Variants in DNAH2 observed in about 807,000 individuals in gnomAD.
The protein encoded by DNAH2 is axonemal beta dynein heavy chain 2.
In DNAH2, 323 loss-of-function variants were observed where a neutral mutation model predicts 523.5. That is an observed-to-expected ratio of 0.62 (90% CI 0.56 to 0.68). The LOEUF (loss-of-function observed/expected upper bound fraction) is 0.68, where lower values mean the gene tolerates loss of function less well. DNAH2 is among the 30% of genes least tolerant of loss of function. DNAH2 has a pLI of 0.00. For synonymous variants in DNAH2, 2,093 were observed against 2,177.4 expected (o/e 0.96, Z 1.08); for missense variants, 4,907 against 5,701.5 (o/e 0.86, Z 4.49).
intron 11 of DNAH2, among the ~76,000 whole-genome samples, chr17:7,741,300 T>TTCTTTCTTTCTC (rs1567625056): frequency 4.5e-5 from 2 of 44,862 alleles, no homozygotes; most frequent in South Asian, 1.4e-3. Flanking sequence ...CTTTCTTCCT[T>TTCTTTCTTTCTC]CCTTCCCTCC....
intron 19 of DNAH2, 36 bp from the exon 20 acceptor site, chr17:7,764,081 C>T (rs775636313): frequency 1.2e-6 from 2 of 1,614,178 alleles, no homozygotes; most frequent in East Asian, 2.2e-5. Context: ...GGCACTGGGC[C>T]TTCCACTCAC....
chr17:7,830,206 G>C, intron 77 of DNAH2, 94 bp from the exon 78 acceptor site: 1 of 1,358,304 alleles, frequency 7.4e-7, no homozygotes, highest in Non-Finnish European at 1.0e-6. Flanking sequence ...GTGCCTTTGT[G>C]CAATGAAGAA....
chr17:7,822,810 A>C (rs1378238229), intron 73 of DNAH2, among the ~76,000 whole-genome samples: 1 of 152,188 alleles, frequency 6.6e-6, no homozygotes, highest in Non-Finnish European at 1.5e-5. Context: ...TGAATGAATG[A>C]GTAAATAGTT....
Position 7,760,868 on chromosome 17 carries a change from T to C in DNAH2, c.2914T>C (p.Ser972Pro), listed in dbSNP as rs1393428513. 18 of 1,614,218 alleles carry C rather than the reference T, an allele frequency of 1.1e-5. No homozygotes were observed. The highest frequency in any genetic ancestry group is 1.5e-5 in the Non-Finnish European group (18 of 1,180,040). The change falls in exon 18 of 86, where the codon TCC becomes CCC. Residue 972 changes from serine to proline, a missense_variant. This residue lies in a region of DNAH2 where 2,806 missense variants were observed against 3,190.8 expected (regional missense o/e 0.88). Transcript: ENST00000572933. The surrounding 1 kb of genome is among the most constrained non-coding windows in gnomAD (Gnocchi z 4.0). ...YREIWEINKD[S>P]FIHRYQRLNP... ...GGAGATCTGGGAGATCAACAAGGAC[T>C]CCTTCATTCATCGCTACCAGCGCCT...
chr17:7,809,368 C>T (rs1051085796), intron 63 of DNAH2, among the ~76,000 whole-genome samples: 1 of 152,062 alleles, frequency 6.6e-6, no homozygotes, highest in Admixed American at 6.6e-5. Context: ...TCTTTACTGT[C>T]AAAAGCTAAG....
chr17:7,807,528 T>G lies in DNAH2; in HGVS notation c.9671T>G (p.Leu3224Trp). The G allele has an allele frequency of 6.2e-7, 1 of 1,613,446 alleles. No homozygotes were observed. Among genetic ancestry groups the G allele is most frequent in the Non-Finnish European group, 8.5e-7 (1 of 1,180,008 alleles). Residue 3224 changes from leucine to tryptophan, a missense_variant, in exon 63 of 86, where the codon TTG becomes TGG. Coordinates refer to ENST00000572933, the MANE Select transcript of DNAH2 (RefSeq NM_020877.5). This position sits in a 1 kb window ranked among gnomAD's most constrained non-coding sequence, Gnocchi z 5.6. Reference protein sequence around the residue: ...EPKRIRMNAALAQLREKQAAL... With the variant: ...EPKRIRMNAAWAQLREKQAAL... ...AAGCGAATCCGAATGAACGCTGCCT[T>G]GGCTCAGCTTCGGGAGAAGCAAGCC...
At chr17:7,768,780 T>G (rs936444869) in intron 24 of DNAH2, among the ~76,000 whole-genome samples, 1 of 152,236 alleles carries the variant, frequency 6.6e-6, no homozygotes, top group Non-Finnish European at 1.5e-5. Flanking sequence ...ATATGACATA[T>G]GAGTGCGATC....
At chr17:7,801,317 A>T (rs374949569) in intron 56 of DNAH2, among the ~76,000 whole-genome samples, 1 of 152,188 alleles carries the variant, frequency 6.6e-6, no homozygotes, top group South Asian at 2.1e-4. Context: ...GAGACGAGGA[A>T]ACTGGCATTC....
At chr17:7,775,050 G>C in intron 29 of DNAH2, 74 bp downstream of exon 29, 1 of 1,458,116 alleles carries the variant, frequency 6.9e-7, no homozygotes, top group Non-Finnish European at 9.4e-7. Flanking sequence ...CTTTGGAGGG[G>C]ACCCTGCCCT....
chr17:7,827,385 T>C (rs2078049359), intron 77 of DNAH2, among the ~76,000 whole-genome samples: 1 of 152,134 alleles, frequency 6.6e-6, no homozygotes, highest in South Asian at 2.1e-4. Context: ...ATTTAAGTTT[T>C]TAATCACTTG....
At position 7,823,948 on chromosome 17, in the gene DNAH2, G is replaced by A. The variant is rs754650651; in HGVS notation, c.11444G>A (p.Arg3815His). 1.2e-5 allele frequency: 19 copies of A among 1,613,554 alleles called. No homozygotes were observed. Among genetic ancestry groups the A allele is most frequent in the South Asian group, 2.2e-5 (2 of 91,082 alleles). The change falls in exon 75 of 86, where the codon CGC (arginine) becomes CAC (histidine). Residue 3815 changes from arginine (R) to histidine (H), a missense_variant. Physicochemically the swap from Arg to His is conservative, Grantham distance 29. Transcript: ENST00000572933. ...TTCATCATCACCAACCTTGGCTCCCGCTTCATCGAGCCGCCTGTGCTGAAT... is the reference window on the plus strand; with the variant it reads ...TTCATCATCACCAACCTTGGCTCCCACTTCATCGAGCCGCCTGTGCTGAAT... ...TSFIITNLGSRFIEPPVLNMK... is the reference protein window; with the variant it reads ...TSFIITNLGSHFIEPPVLNMK...
At chr17:7,758,711 G>C in intron 14 of DNAH2, 60 bp downstream of exon 14, 1 of 1,575,280 alleles carries the variant, frequency 6.3e-7, no homozygotes, top group Middle Eastern at 1.7e-4. Flanking sequence ...TTATACCTGA[G>C]TGTTGCATAG....
At position 7,807,271 on chromosome 17, in the gene DNAH2, C is replaced by A; in HGVS notation, c.9564C>A (p.Arg3188=). 6.2e-7 allele frequency: 1 copy of A among 1,613,866 alleles called. No individual in the cohort carries two copies. The highest frequency in any genetic ancestry group is 8.5e-7 in the Non-Finnish European group (1 of 1,180,020). ...QPDFQPDIIG[R]VSLAAKSLCM... ...ACTTCCAGCCTGATATCATCGGCCG[C>A]GTCTCCCTGGCTGCCAAGTCCCTCT... Residue 3188 remains arginine (R), a synonymous_variant, in exon 62 of 86, where the codon CGC becomes CGA. Transcript: ENST00000572933. The surrounding 1 kb of genome is among the most constrained non-coding windows in gnomAD (Gnocchi z 5.6).
Position 7,798,729 on chromosome 17 carries a change from T to C in DNAH2, c.8559+11T>C. ...GATGAATTTGAAGAGGTAGGATTCC[T>C]TCCACACCCTTGACCAGTCAGTTCT... On this transcript the variant is annotated intron_variant, in intron 55 of 85. Coordinates refer to ENST00000572933, the MANE Select transcript of DNAH2 (RefSeq NM_020877.5). This position sits in a 1 kb window ranked among gnomAD's most constrained non-coding sequence, Gnocchi z 5.5. 6.2e-7 allele frequency: 1 copy of C among 1,609,142 alleles called. No individual in the cohort carries two copies. Among genetic ancestry groups the C allele is most frequent in the Non-Finnish European group, 8.5e-7 (1 of 1,178,698 alleles).
Position 7,759,460 on chromosome 17 carries a change from C to T in DNAH2, c.2487C>T (p.Asp829=). Residue 829 remains aspartate, a synonymous_variant, in exon 16 of 86, where the codon GAC becomes GAT. Coordinates refer to ENST00000572933, the MANE Select transcript of DNAH2 (RefSeq NM_020877.5). The part of the protein sequence containing the change: ...QQWMLYMIRL[D]RMMEDALRLN... ...GGATGCTGTACATGATTCGGCTGGA[C>T]CGCATGATGGAGGATGCCCTGCGCC... 1.2e-6 allele frequency: 2 copies of T among 1,613,976 alleles called. No homozygotes were observed. Among genetic ancestry groups the T allele is most frequent in the Non-Finnish European group, 1.7e-6 (2 of 1,179,922 alleles).
At chr17:7,758,343 C>A (rs371359196) in intron 13 of DNAH2, 152 bp from the exon 14 acceptor site, 3 of 1,019,910 alleles carry the variant, frequency 2.9e-6, no homozygotes, top group South Asian at 3.8e-5. Context: ...TCCATCATTG[C>A]AAAAAGTTCT....
chr17:7,812,361 T>C (rs971316553), intron 63 of DNAH2, among the ~76,000 whole-genome samples: 2 of 152,134 alleles, frequency 1.3e-5, no homozygotes. Context: ...CTCATGCCTG[T>C]GATCCTAGCT....
In DNAH2 at chr17:7,833,203, C is replaced by A. The variant is rs370525057; in HGVS notation, c.13111C>A (p.Arg4371Ser). The A allele has an allele frequency of 6.2e-7, 1 of 1,607,508 alleles. No homozygotes were observed. Among genetic ancestry groups the A allele is most frequent in the Admixed American group, 1.7e-5 (1 of 60,018 alleles). The change falls in exon 85 of 86, where the codon CGC (arginine) becomes AGC (serine). Residue 4371 changes from arginine to serine, a missense_variant. Physicochemically the swap from Arg to Ser is moderately radical, Grantham distance 110 (BLOSUM62 -1). This residue lies in a region of DNAH2 where 1,851 missense variants were observed against 2,139.4 expected (regional missense o/e 0.87). Transcript: ENST00000572933. Reference protein sequence around the residue: ...PTIHFRPAESRKKSAKGMYSC... With the variant: ...PTIHFRPAESSKKSAKGMYSC... Reference sequence around the variant, plus strand: ...GATCCACTTCCGGCCTGCAGAGAGCCGCAAGAAGAGCGCCAAGGGTGGGAC... The same window carrying A: ...GATCCACTTCCGGCCTGCAGAGAGCAGCAAGAAGAGCGCCAAGGGTGGGAC...
At chr17:7,740,398 A>C in intron 9 of DNAH2, 22 bp from the exon 10 acceptor site, 1 of 1,613,554 alleles carries the variant, frequency 6.2e-7, no homozygotes, top group Non-Finnish European at 8.5e-7. Flanking sequence ...CTCAGCTGCC[A>C]CATGCCTCTC....
Sources: gnomAD v4.1 joint callset for allele counts (sites outside exome capture counted in the v4.1 genomes callset) on GRCh38, gnomAD v4.1.1 for gene constraint, gnomAD v4.1.1 regional missense constraint, Gnocchi (gnomAD v3.1) non-coding constraint, MANE v1.5 for transcripts, NCBI Gene and HGNC (gene_info 2026-07-23, HGNC 2026-07-21) for gene names.